The following GNL3 variants were observed in gnomAD, a reference collection of about 807,000 sequenced individuals.
The protein encoded by GNL3 is G protein nucleolar 3.
Under a neutral mutation model 70.6 loss-of-function variants are expected in GNL3, and 77 were observed. That is an observed-to-expected ratio of 1.09 (90% CI 0.91 to 1.32). The LOEUF is 1.32. Among genes scored for constraint, GNL3 ranks in the 40% most tolerant of loss-of-function variants. GNL3 has a pLI of 0.00. For missense variants in GNL3, 634 were observed against 644.0 expected, an observed-to-expected ratio of 0.98 and a Z score of 0.17; for synonymous variants, 252 against 216.1, an observed-to-expected ratio of 1.17 and a Z score of -1.46.
chr3:52,689,455 C>G, intron 6 of GNL3: 1 of 547,844 alleles, frequency 1.8e-6, no homozygotes, highest in Non-Finnish European at 3.4e-6. Flanking sequence ...GCTGCTATAC[C>G]CAGCTTATTG....
chr3:52,691,385 G>A, intron 8 of GNL3, 157 bp from the exon 9 acceptor site: 1 of 645,942 alleles, frequency 1.5e-6, no homozygotes. Context: ...TGCAAGAAAT[G>A]AAGAAACTAA....
At position 52,687,278 on chromosome 3, in the gene GNL3, G is replaced by A. The variant is rs959514560; in HGVS notation, c.105G>A (p.Glu35=). Residue 35 remains glutamate, a synonymous_variant, in exon 3 of 15, where the codon GAG becomes GAA. Transcript: ENST00000418458. The part of the protein sequence containing the change: ...VREHHRKLRK[E]AKKRGHKKPR... ...AACATCATCGAAAATTAAGAAAGGA[G>A]GCTAAAAAGCGGGGTCACAAGAAGC... The A allele has an allele frequency of 6.2e-7, 1 of 1,613,132 alleles. No individual in the cohort carries two copies. Among genetic ancestry groups the A allele is most frequent in the African/African-American group, 1.3e-5 (1 of 75,002 alleles).
Position 52,691,595 on chromosome 3 carries a change from A to T in GNL3, c.835A>T (p.Met279Leu), listed in dbSNP as rs2097327309. Residue 279 changes from methionine to leucine, a missense_variant, in exon 9 of 15, where the codon ATG (methionine) becomes TTG (leucine). Coordinates refer to ENST00000418458, the MANE Select transcript of GNL3 (RefSeq NM_014366.5). Reference protein sequence around the residue: ...SIINSLKQEQMCNVGVSMGLT... With the variant: ...SIINSLKQEQLCNVGVSMGLT... The stretch of plus-strand genomic sequence containing the variant: ...TATCAATAGCTTAAAACAAGAACAG[A>T]TGTGTAATGTTGGTGTATCCATGGG... 2.5e-6 allele frequency: 4 copies of T among 1,600,044 alleles called. No homozygotes were observed. The African/African-American group carries it at 4.0e-5, about 16-fold the overall frequency.
rs2097329461 is a variant in GNL3 at position 52,693,536 on chromosome 3, G to A, written c.1316G>A (p.Ser439Asn). 4 of 1,614,108 alleles carry A rather than the reference G, an allele frequency of 2.5e-6. No homozygotes were observed. The highest frequency in any genetic ancestry group is 3.4e-6 in the Non-Finnish European group (4 of 1,180,034). ...LEELEKNNAQ[S>N]IRAIKGPHLA... ...GAACTGGAAAAGAACAATGCACAGAGCATAAGAGGTGAGAATTGTGTGTCG... is the reference window on the plus strand; with the variant it reads ...GAACTGGAAAAGAACAATGCACAGAACATAAGAGGTGAGAATTGTGTGTCG... Residue 439 changes from serine to asparagine, a missense_variant, in exon 12 of 15, where the codon AGC becomes AAC. Physicochemically the swap from Ser to Asn is conservative, Grantham distance 46. Transcript: ENST00000418458.
chr3:52,691,248 G>GA (rs59152192), intron 8 of GNL3, 177 bp downstream of exon 8: 1 of 633,138 alleles, frequency 1.6e-6, no homozygotes, highest in Non-Finnish European at 2.7e-6. Flanking sequence ...ACAATTTAAA[G>GA]AAAAAAACTT....
Position 52,686,060 on chromosome 3 carries a change from G to A in GNL3, c.-33G>A, listed in dbSNP as rs750879993. 2.2e-5 allele frequency: 22 copies of A among 981,838 alleles called. No homozygotes were observed. The highest frequency in any genetic ancestry group is 5.1e-5 in the South Asian group (4 of 78,526). 60.8% of individuals were successfully genotyped at this position (981,838 alleles called of 1,614,324 possible). ...TCACACGTGGCGCCAGCGGAGGCAG[G>A]TTGATGTGTTTGTGCTTCCTTCTAC... On this transcript the variant is annotated 5_prime_UTR_variant, in exon 1 of 15. Transcript: ENST00000418458.
At chr3:52,686,533 A>G (rs1241974851) in intron 1 of GNL3, 12 of 587,176 alleles carry the variant, frequency 2.0e-5, no homozygotes, top group Admixed American at 3.1e-5. Context: ...GCTGTTGTGT[A>G]TGATCCCATT....
At chr3:52,693,841 G>C in intron 13 of GNL3, 34 bp downstream of exon 13, 1 of 1,543,294 alleles carries the variant, frequency 6.5e-7, no homozygotes, top group Non-Finnish European at 8.9e-7. Flanking sequence ...AAACTGAAGT[G>C]AGTTTTCTAG....
intron 5 of GNL3, 200 bp from the exon 6 acceptor site, chr3:52,688,873 GT>G (rs2097324651): frequency 3.4e-6 from 2 of 592,906 alleles, no homozygotes; most frequent in East Asian, 2.8e-5. Context: ...GCAAGCCTAT[GT>G]TTTACTTTCC....
chr3:52,692,856 A>G lies in GNL3; in HGVS notation c.870-16A>G. 1 of 1,603,700 alleles carries G rather than the reference A, an allele frequency of 6.2e-7. No individual in the cohort carries two copies. The highest frequency in any genetic ancestry group is 8.5e-7 in the Non-Finnish European group (1 of 1,173,094). On this transcript the variant is annotated splice_polypyrimidine_tract_variant and intron_variant, in intron 9 of 14. Transcript: ENST00000418458. ...ATAGACCAATGCCCCCATCAATTCCATCGCTCTTCTTTCAGGAGCATGCAA... is the reference window on the plus strand; with the variant it reads ...ATAGACCAATGCCCCCATCAATTCCGTCGCTCTTCTTTCAGGAGCATGCAA...
rs71087009 is a variant in GNL3, at chr3:52,692,369, A to ACTTTTTTT, written c.870-503_870-502insCTTTTTTT. Among the ~76,000 whole-genome samples, 56 of 126,398 alleles carry ACTTTTTTT rather than the reference A, an allele frequency of 4.4e-4. 4 individuals are homozygous for ACTTTTTTT. Among genetic ancestry groups the ACTTTTTTT allele is most frequent in the South Asian group, 4.7e-4 (2 of 4,294 alleles). 82.9% of individuals were successfully genotyped at this position (126,398 alleles called of 152,430 possible). On this transcript the variant is annotated intron_variant, in intron 9 of 14. Coordinates refer to ENST00000418458, the MANE Select transcript of GNL3 (RefSeq NM_014366.5). ...GCCACTGTGCCTGGCCAACTTTTAG[A>ACTTTTTTT]TTTTTTTTTTTTGGGAGATGGAGTC...
intron 6 of GNL3, among the ~76,000 whole-genome samples, chr3:52,690,086 G>A (rs2097325848): frequency 6.6e-6 from 1 of 152,206 alleles, no homozygotes; most frequent in African/African-American, 2.4e-5. Context: ...AAATAGAGAA[G>A]TGCAGATGCT....
In GNL3 at chr3:52,688,142, A is replaced by G. The variant is rs1364955722; in HGVS notation, c.358A>G (p.Lys120Glu). ...FGLCKTENKA[K>E]SGKQNSKKLY... is the part of the protein sequence containing the mutation. ...GCTTTGCAAAACTGAGAACAAAGCC[A>G]AGTCGGGCAAACAGAATTCAAAGAA... Residue 120 changes from lysine to glutamate, a missense_variant, in exon 5 of 15, where the codon AAG becomes GAG. Transcript: ENST00000418458. The G allele has an allele frequency of 6.2e-7, 1 of 1,611,944 alleles. No homozygotes were observed. The highest frequency in any genetic ancestry group is 1.1e-5 in the South Asian group (1 of 91,042).
rs775420038 is a variant in GNL3 at position 52,693,803 on chromosome 3, TTGA to T, written c.1499_1500+1del. ...GACCAGGAAACTGTTGATGAAGAAG[TTGA>T]TGTAAGTGTGTCCTCCATGAGTTAA... On this transcript the variant is annotated inframe_deletion and splice_region_variant, in exon 13 of 15. Transcript: ENST00000418458. 4 of 1,612,130 alleles carry T rather than the reference TTGA, an allele frequency of 2.5e-6. No individual in the cohort carries two copies. In the African/African-American group the frequency reaches 4.0e-5, roughly 16 times the overall value.
intron 2 of GNL3, 150 bp from the exon 3 acceptor site, chr3:52,687,096 G>A (rs907572816): frequency 4.4e-6 from 3 of 676,282 alleles, no homozygotes; most frequent in Admixed American, 2.9e-5. Context: ...ACTTACATAT[G>A]CATTACTTTG....
At chr3:52,690,728 ATG>A (rs1360747170) in intron 7 of GNL3, 24 bp downstream of exon 7, 1 of 1,356,214 alleles carries the variant, frequency 7.4e-7, no homozygotes, top group Non-Finnish European at 1.0e-6. Flanking sequence ...GTGGTAAGAA[ATG>A]TGATTCTTTC....
chr3:52,686,928 G>T, intron 2 of GNL3, 101 bp downstream of exon 2: 1 of 886,858 alleles, frequency 1.1e-6, no homozygotes. Context: ...TTGGTTTTGG[G>T]AAATGGCATT....
At position 52,693,296 on chromosome 3, in the gene GNL3, G is replaced by A. The variant is rs761575855; in HGVS notation, c.1154G>A (p.Gly385Asp). The A allele has an allele frequency of 1.2e-5, 19 of 1,614,010 alleles. No individual in the cohort carries two copies. Among genetic ancestry groups the A allele is most frequent in the Non-Finnish European group, 1.6e-5 (19 of 1,180,024 alleles). Reference protein sequence around the residue: ...HQKGGIPNVEGAAKLLWSEWT... With the variant: ...HQKGGIPNVEDAAKLLWSEWT... ...AAAGGTGGAATCCCAAATGTTGAAG[G>A]TGCTGCCAAACTGCTGTGGTCTGAG... The change falls in exon 11 of 15, where the codon GGT (glycine) becomes GAT (aspartate). Residue 385 changes from glycine to aspartate, a missense_variant. Gly to Asp is a moderately conservative substitution (Grantham distance 94, BLOSUM62 -1). Transcript: ENST00000418458.
At position 52,693,058 on chromosome 3, in the gene GNL3, C is replaced by G. The variant is rs780798936; in HGVS notation, c.1044+12C>G. 6.2e-7 allele frequency: 1 copy of G among 1,613,172 alleles called. No individual in the cohort carries two copies. The highest frequency in any genetic ancestry group is 1.1e-5 in the South Asian group (1 of 91,030). The stretch of plus-strand genomic sequence containing the variant: ...CTGATGCTCGACAGGTAAAAGGACC[C>G]CTTCTCATGAGCTCCTTGGAGCCAT... On this transcript the variant is annotated intron_variant, in intron 10 of 14. Transcript: ENST00000418458.
Sources: allele counts gnomAD v4.1 joint callset (sites outside exome capture counted in the v4.1 genomes callset), GRCh38; gene constraint gnomAD v4.1.1; transcripts MANE v1.5; gene names NCBI Gene and HGNC (gene_info 2026-07-23, HGNC 2026-07-21).